Variants in SLCO3A1 observed in about 807,000 individuals in gnomAD.
SLCO3A1 encodes the protein PGE1 transporter.
A neutral mutation model predicts 63.1 loss-of-function variants in SLCO3A1; 27 were observed. That is an observed-to-expected ratio of 0.43 (90% CI 0.32 to 0.59). SLCO3A1 has a LOEUF of 0.59. Among genes scored for constraint, SLCO3A1 ranks in the 20% least tolerant of loss-of-function variants. SLCO3A1 has a pLI of 0.09. For synonymous variants in SLCO3A1, 473 were observed against 409.9 expected (o/e 1.15, Z -1.86); for missense variants, 773 against 945.8 (o/e 0.82, Z 2.40).
chr15:91,965,532 C>T (rs1031702395), intron 2 of SLCO3A1, among the ~76,000 whole-genome samples: 1 of 152,188 alleles, frequency 6.6e-6, no homozygotes, highest in African/African-American at 2.4e-5. Flanking sequence ...ACTCCCACCC[C>T]ACCCCCTAAC....
At chr15:92,016,299 A>G (rs1013273490) in intron 2 of SLCO3A1, among the ~76,000 whole-genome samples, 3 of 143,696 alleles carry the variant, frequency 2.1e-5, no homozygotes, top group African/African-American at 7.6e-5. Flanking sequence ...AGATATATAT[A>G]TTATGTATTT....
At chr15:92,010,360 C>T (rs1245003046) in intron 2 of SLCO3A1, among the ~76,000 whole-genome samples, 1 of 152,160 alleles carries the variant, frequency 6.6e-6, no homozygotes, top group Non-Finnish European at 1.5e-5. Flanking sequence ...CATATTAAAG[C>T]CCCTAGGCAG....
At chr15:92,084,138 A>G (rs1167532447) in intron 2 of SLCO3A1, among the ~76,000 whole-genome samples, 1 of 152,254 alleles carries the variant, frequency 6.6e-6, no homozygotes, top group African/African-American at 2.4e-5. Context: ...ATATGAAGAA[A>G]GACAGTACAA....
At chr15:92,104,088 G>T (rs1596104670) in intron 3 of SLCO3A1, among the ~76,000 whole-genome samples, 191 bp from the exon 4 acceptor site, 1 of 152,198 alleles carries the variant, frequency 6.6e-6, no homozygotes, top group Non-Finnish European at 1.5e-5. Flanking sequence ...AATGTGATCA[G>T]CCTCCGGCTT....
chr15:92,012,129 TGA>T (rs750934616), intron 2 of SLCO3A1, among the ~76,000 whole-genome samples: 1 of 152,236 alleles, frequency 6.6e-6, no homozygotes, highest in African/African-American at 2.4e-5. Flanking sequence ...CCACTGTCAC[TGA>T]GGTTGCCTTT....
intron 1 of SLCO3A1, among the ~76,000 whole-genome samples, chr15:91,868,529 GTCTC>G (rs1195331064): frequency 6.6e-6 from 1 of 152,070 alleles, no homozygotes; most frequent in Non-Finnish European, 1.5e-5. Flanking sequence ...AGTCCTTTAA[GTCTC>G]TCTCCGTCTA....
At chr15:91,915,495 T>C (rs1898623951) in intron 1 of SLCO3A1, among the ~76,000 whole-genome samples, 1 of 152,178 alleles carries the variant, frequency 6.6e-6, no homozygotes, top group South Asian at 2.1e-4. Flanking sequence ...ATTTTGCCAC[T>C]TGGGTTTTGT....
chr15:92,127,137 C>T (rs1187434616), intron 6 of SLCO3A1, among the ~76,000 whole-genome samples: 1 of 152,212 alleles, frequency 6.6e-6, no homozygotes, highest in Non-Finnish European at 1.5e-5. Context: ...CCATGTGCCC[C>T]TCCTTCCCCT....
intron 2 of SLCO3A1, among the ~76,000 whole-genome samples, chr15:91,930,886 T>C (rs1212255404): frequency 2.0e-5 from 3 of 152,330 alleles, no homozygotes; most frequent in East Asian, 1.9e-4. Flanking sequence ...ACCTTGGGGA[T>C]TGGAGTCAAG....
chr15:91,944,682 G>A (rs768536333), intron 2 of SLCO3A1, among the ~76,000 whole-genome samples: 14 of 152,178 alleles, frequency 9.2e-5, no homozygotes, highest in Non-Finnish European at 2.1e-4. Context: ...CCCCCGAGAT[G>A]CTTTTCAAAG....
chr15:91,886,335 A>T lies in SLCO3A1; in HGVS notation c.181-29658A>T, dbSNP rs183271364. ...GTCTCTCATGCTTCTCTTTTAATTG[A>T]GATTTCCTTCAAGTCCTCCTTTTAG... is the stretch of plus-strand genomic sequence containing the variant. On this transcript the variant is annotated intron_variant, in intron 1 of 9. Coordinates refer to ENST00000318445, the MANE Select transcript of SLCO3A1 (RefSeq NM_013272.4). This position sits in a 1 kb window ranked among gnomAD's most constrained non-coding sequence, Gnocchi z 4.9. Among the ~76,000 whole-genome samples the T allele has an allele frequency of 1.4e-4, 21 of 152,242 alleles. No individual in the cohort carries two copies. Among genetic ancestry groups the T allele is most frequent in the African/African-American group, 3.6e-4 (15 of 41,536 alleles).
In SLCO3A1 at chr15:92,037,038, G is replaced by A. The variant is rs115074392; in HGVS notation, c.647-57843G>A. ...TGTTTTGAGTGCTGAGTATACAGAA[G>A]CGAATAAAACCAAATACCCTGTCCT... On this transcript the variant is annotated intron_variant, in intron 2 of 9. Coordinates refer to ENST00000318445, the MANE Select transcript of SLCO3A1 (RefSeq NM_013272.4). 4.1e-3 allele frequency among the ~76,000 whole-genome samples: 618 copies of A among 152,236 alleles called. 9 individuals are homozygous for A. Among genetic ancestry groups the A allele is most frequent in the African/African-American group, 0.014 (597 of 41,522 alleles).
At chr15:91,911,616 A>T (rs1898488310) in intron 1 of SLCO3A1, among the ~76,000 whole-genome samples, 1 of 152,052 alleles carries the variant, frequency 6.6e-6, no homozygotes, top group Non-Finnish European at 1.5e-5. Context: ...ACGTATCTAT[A>T]TCTATATAGA....
intron 1 of SLCO3A1, among the ~76,000 whole-genome samples, chr15:91,899,419 G>A (rs1898094785): frequency 6.6e-6 from 1 of 151,970 alleles, no homozygotes; most frequent in South Asian, 2.1e-4. Context: ...GTCTCTACTT[G>A]GAGTTCCCTT....
chr15:91,894,913 AG>A lies in SLCO3A1; in HGVS notation c.181-21078del, dbSNP rs1897965669. Among the ~76,000 whole-genome samples, 1 of 152,166 alleles carries A rather than the reference AG, an allele frequency of 6.6e-6. No homozygotes were observed. The highest frequency in any genetic ancestry group is 1.9e-4 in the East Asian group (1 of 5,190). On this transcript the variant is annotated intron_variant, in intron 1 of 9. Transcript: ENST00000318445. The surrounding 1 kb of genome is among the most constrained non-coding windows in gnomAD (Gnocchi z 4.8). ...CGCCTGCAAGAACTCTCAAGAATCA[AG>A]GTTGAGTCTGTTGTTCCTAATCCAT...
chr15:91,873,288 C>A (rs1442952312), intron 1 of SLCO3A1, among the ~76,000 whole-genome samples: 1 of 152,130 alleles, frequency 6.6e-6, no homozygotes, highest in Non-Finnish European at 1.5e-5. Context: ...AAAGTGAGTA[C>A]CATGCCATCT....
At chr15:92,050,197 G>A (rs557898322) in intron 2 of SLCO3A1, among the ~76,000 whole-genome samples, 15 of 152,156 alleles carry the variant, frequency 9.9e-5, no homozygotes, top group Non-Finnish European at 1.5e-4. Context: ...TCTCTGCTTC[G>A]AAGGTGTTAG....
chr15:92,143,787 A>G (rs1332685998), intron 7 of SLCO3A1, among the ~76,000 whole-genome samples: 2 of 151,898 alleles, frequency 1.3e-5, no homozygotes, highest in Non-Finnish European at 2.9e-5. Context: ...CTGTCAGGAA[A>G]ACAGTGTTTT....
intron 1 of SLCO3A1, among the ~76,000 whole-genome samples, chr15:91,871,107 A>C (rs761664472): frequency 6.6e-6 from 1 of 152,176 alleles, no homozygotes; most frequent in Non-Finnish European, 1.5e-5. Flanking sequence ...TTCTTGCTGA[A>C]GTAAATCAGG....
Sources: allele counts gnomAD v4.1 joint callset (sites outside exome capture counted in the v4.1 genomes callset), GRCh38; gene constraint gnomAD v4.1.1; non-coding constraint Gnocchi (gnomAD v3.1); transcripts MANE v1.5; gene names NCBI Gene and HGNC (gene_info 2026-07-23, HGNC 2026-07-21).